GLYATL1: variants seen among roughly 807,000 people sequenced by gnomAD.
GLYATL1 encodes glycine N-acyltransferase-like protein 1.
GLYATL1 carries 15 observed loss-of-function variants against 20.0 expected under a neutral mutation model. The ratio of observed to expected loss-of-function variants is 0.75; its 90% CI spans 0.50 to 1.15. GLYATL1 has a LOEUF of 1.15. Among genes scored for constraint, GLYATL1 ranks in the 50% most tolerant of loss-of-function variants. GLYATL1 has a pLI of 0.00. For missense variants in GLYATL1, 380 were observed against 368.5 expected, an observed-to-expected ratio of 1.03 and a Z score of -0.26; for synonymous variants, 151 against 131.5, an observed-to-expected ratio of 1.15 and a Z score of -1.01.
intron 2 of GLYATL1, among the ~76,000 whole-genome samples, chr11:58,944,145 G>T (rs754248267): frequency 3.3e-5 from 5 of 152,146 alleles, no homozygotes; most frequent in Non-Finnish European, 5.9e-5. Context: ...CATTACTAAA[G>T]ATACTTAGAG....
chr11:58,949,681 C>CA (rs891818409), intron 4 of GLYATL1, among the ~76,000 whole-genome samples: 78 of 145,310 alleles, frequency 5.4e-4, no homozygotes, highest in Middle Eastern at 3.5e-3. Flanking sequence ...CATATAAGAC[C>CA]AAAAAAAAAA....
At position 58,955,968 on chromosome 11, in the gene GLYATL1, G is replaced by C; in HGVS notation, c.850G>C (p.Glu284Gln). 6.2e-7 allele frequency: 1 copy of C among 1,614,114 alleles called. No individual in the cohort carries two copies. Among genetic ancestry groups the C allele is most frequent in the Non-Finnish European group, 8.5e-7 (1 of 1,179,946 alleles). The stretch of plus-strand genomic sequence containing the variant: ...ATTTGTGGGGCAGTTTGGTTTCTTT[G>C]AGGCCTCCTGTGAGTGGCACCAATG... ...RRFVGQFGFFEASCEWHQWTC... is the reference protein window; with the variant it reads ...RRFVGQFGFFQASCEWHQWTC... Residue 284 changes from glutamate to glutamine, a missense_variant, in exon 7 of 7, where the codon GAG (glutamate) becomes CAG (glutamine). Transcript: ENST00000532726.
In GLYATL1 at chr11:58,956,002, A is replaced by C. The variant is rs1283149114; in HGVS notation, c.884A>C (p.Tyr295Ser). The change falls in exon 7 of 7, where the codon TAC becomes TCC. Residue 295 changes from tyrosine to serine, a missense_variant. Coordinates refer to ENST00000532726, the MANE Select transcript of GLYATL1 (RefSeq NM_001389712.2). ...ASCEWHQWTC[Y>S]PQNLVPF ...TGTGAGTGGCACCAATGGACTTGCT[A>C]CCCACAGAATCTAGTTCCATTTTAG... 3 of 1,612,008 alleles carry C rather than the reference A, an allele frequency of 1.9e-6. No individual in the cohort carries two copies. Among genetic ancestry groups the C allele is most frequent in the Non-Finnish European group, 2.5e-6 (3 of 1,178,306 alleles).
In GLYATL1 at chr11:58,943,614, C is replaced by A; in HGVS notation, c.-95C>A. On this transcript the variant is annotated 5_prime_UTR_variant, in exon 2 of 7. It introduces an in-frame stop codon into an upstream open reading frame of the 5' UTR. Transcript: ENST00000532726. The stretch of plus-strand genomic sequence containing the variant: ...GAGCGCGAAGTGAACACGGAAGGTA[C>A]CTGCAGGATCCAATTGTGTCCATTG... 6.2e-7 allele frequency: 1 copy of A among 1,613,592 alleles called. No homozygotes were observed. Among genetic ancestry groups the A allele is most frequent in the Non-Finnish European group, 8.5e-7 (1 of 1,179,628 alleles).
At chr11:58,943,982 G>A (rs1856380011) in intron 2 of GLYATL1, among the ~76,000 whole-genome samples, 1 of 150,234 alleles carries the variant, frequency 6.7e-6, no homozygotes, top group East Asian at 1.9e-4. Context: ...TGTGCGCCTA[G>A]GTAGGAAAAA....
intron 2 of GLYATL1, among the ~76,000 whole-genome samples, chr11:58,945,904 T>C (rs963960535): frequency 5.3e-5 from 8 of 152,188 alleles, no homozygotes; most frequent in South Asian, 2.1e-4. Flanking sequence ...CTACAGAACA[T>C]AGTTTAACTT....
chr11:58,939,413 G>T (rs1379741945), upstream of GLYATL1: 1 of 152,234 alleles, frequency 6.6e-6, no homozygotes, highest in Non-Finnish European at 1.5e-5. Context: ...TCTGTGTGGT[G>T]AGCTGCAGGA....
At chr11:58,930,200 A>G (rs1200366809) in intron 1 of GLYATL1, among the ~76,000 whole-genome samples, 2 of 152,240 alleles carry the variant, frequency 1.3e-5, no homozygotes, top group African/African-American at 4.8e-5. Context: ...TATCAAATAT[A>G]TAAGTATAAA....
intron 1 of GLYATL1, among the ~76,000 whole-genome samples, chr11:58,931,972 C>T (rs1013020262): frequency 7.3e-5 from 11 of 151,544 alleles, no homozygotes; most frequent in African/African-American, 1.9e-4. Flanking sequence ...ATTAGCCAGG[C>T]GTGGTGGCAT....
At chr11:58,918,780 T>G (rs1855239839) in intron 1 of GLYATL1, among the ~76,000 whole-genome samples, 1 of 152,228 alleles carries the variant, frequency 6.6e-6, no homozygotes, top group African/African-American at 2.4e-5. Context: ...CCAGAGTGAC[T>G]AGAGCAGGGC....
At position 58,943,591 on chromosome 11, in the gene GLYATL1, G is replaced by A; in HGVS notation, c.-118G>A. ...AGTGGAGCTTCTAGTATCCCCAGGA[G>A]CGCGAAGTGAACACGGAAGGTACCT... On this transcript the variant is annotated 5_prime_UTR_variant, in exon 2 of 7. Coordinates refer to ENST00000532726, the MANE Select transcript of GLYATL1 (RefSeq NM_001389712.2). 6.2e-7 allele frequency: 1 copy of A among 1,613,648 alleles called. No homozygotes were observed. Among genetic ancestry groups the A allele is most frequent in the Non-Finnish European group, 8.5e-7 (1 of 1,179,656 alleles).
intron 1 of GLYATL1, among the ~76,000 whole-genome samples, chr11:58,941,921 C>T (rs367865186): frequency 3.3e-5 from 5 of 152,134 alleles, no homozygotes; most frequent in South Asian, 4.1e-4. Flanking sequence ...TTGTTATTGA[C>T]GGAAGACTAA....
intron 1 of GLYATL1, among the ~76,000 whole-genome samples, chr11:58,914,596 G>A (rs1164425387): frequency 6.6e-6 from 1 of 152,324 alleles, no homozygotes; most frequent in South Asian, 2.1e-4. Context: ...CCCTCCCTGG[G>A]TGGGGATTTC....
intron 2 of GLYATL1, among the ~76,000 whole-genome samples, 159 bp downstream of exon 2, chr11:58,943,825 C>T (rs905319201): frequency 6.6e-6 from 1 of 152,176 alleles, no homozygotes; most frequent in African/African-American, 2.4e-5. Context: ...GGCCTGGATC[C>T]AGTTAGAGGC....
chr11:58,922,915 G>A (rs1279829410), upstream of GLYATL1, among the ~76,000 whole-genome samples: 1 of 152,124 alleles, frequency 6.6e-6, no homozygotes, highest in East Asian at 1.9e-4. Context: ...CCTATCTATA[G>A]TGCCTTCAGC....
In GLYATL1 at chr11:58,955,908, A is replaced by C; in HGVS notation, c.790A>C (p.Ile264Leu). 2 of 1,614,150 alleles carry C rather than the reference A, an allele frequency of 1.2e-6. No homozygotes were observed. Among genetic ancestry groups the C allele is most frequent in the Non-Finnish European group, 1.7e-6 (2 of 1,180,014 alleles). Residue 264 changes from isoleucine to leucine, a missense_variant, in exon 7 of 7, where the codon ATC (isoleucine) becomes CTC (leucine). Ile to Leu is a conservative substitution (Grantham distance 5). Transcript: ENST00000532726. Reference sequence around the variant, plus strand: ...GCGTCAGAAGAATATTCCATTTTACATCTCTGTGTTGGAAGAAAATGAAGA... The same window carrying C: ...GCGTCAGAAGAATATTCCATTTTACCTCTCTGTGTTGGAAGAAAATGAAGA... ...YLRQKNIPFYISVLEENEDSR... is the reference protein window; with the variant it reads ...YLRQKNIPFYLSVLEENEDSR...
intron 1 of GLYATL1, among the ~76,000 whole-genome samples, chr11:58,919,259 G>A (rs2156345): frequency 0.18 from 27,772 of 152,058 alleles, 2,959 homozygotes; most frequent in East Asian, 0.31. Context: ...TCAGGTGGCC[G>A]GCTGAATAAG....
At chr11:58,950,248 G>A (rs1431442645) in intron 4 of GLYATL1, among the ~76,000 whole-genome samples, 1 of 150,536 alleles carries the variant, frequency 6.6e-6, no homozygotes, top group Non-Finnish European at 1.5e-5. Context: ...CTGAGATCCC[G>A]CCGCTGCACT....
intron 1 of GLYATL1, among the ~76,000 whole-genome samples, chr11:58,920,912 A>G (rs1054139132): frequency 1.3e-5 from 2 of 152,200 alleles, no homozygotes; most frequent in African/African-American, 4.8e-5. Flanking sequence ...AGTTGCCTGG[A>G]CAAGTATGCC....
Sources: allele counts gnomAD v4.1 joint callset (sites outside exome capture counted in the v4.1 genomes callset), GRCh38; gene constraint gnomAD v4.1.1; transcripts MANE v1.5; gene names NCBI Gene and HGNC (gene_info 2026-07-23, HGNC 2026-07-21).